Variants in PRX observed in about 807,000 individuals in gnomAD.
PRX encodes periaxin.
A neutral mutation model predicts 29.6 loss-of-function variants in PRX; 24 were observed. The ratio of observed to expected loss-of-function variants is 0.81; its 90% CI spans 0.59 to 1.14. PRX has a LOEUF of 1.14. PRX is among the 50% of genes most tolerant of loss of function. PRX has a pLI of 0.00. For missense variants in PRX, 1,838 were observed against 1,926.4 expected (o/e 0.95, Z 0.86); for synonymous variants, 772 against 831.7 (o/e 0.93, Z 1.24).
rs1288123407 is a variant in PRX at position 40,395,995 on chromosome 19, G to A, written c.2357C>T (p.Ala786Val). The part of the protein sequence containing the change: ...LPRAPEVQLK[A>V]TKAEQAEGME... ...CCCTTCTGCCTGTTCTGCCTTGGTGGCCTTTAGCTGCACCTCCGGAGCCCT... is the reference window on the plus strand; with the variant it reads ...CCCTTCTGCCTGTTCTGCCTTGGTGACCTTTAGCTGCACCTCCGGAGCCCT... The change falls in exon 7 of 7, where the codon GCC becomes GTC. Residue 786 changes from alanine to valine, a missense_variant. Ala to Val is a moderately conservative substitution (Grantham distance 64). Coordinates refer to ENST00000324001, the MANE Select transcript of PRX (RefSeq NM_181882.3). 6.2e-7 allele frequency: 1 copy of A among 1,613,986 alleles called. No homozygotes were observed. Among genetic ancestry groups the A allele is most frequent in the Admixed American group, 1.7e-5 (1 of 60,024 alleles).
chr19:40,397,427 G>A lies in PRX; in HGVS notation c.925C>T (p.Leu309Phe). 2 of 1,604,962 alleles carry A rather than the reference G, an allele frequency of 1.2e-6. No homozygotes were observed. The highest frequency in any genetic ancestry group is 1.3e-5 in the African/African-American group (1 of 74,698). Residue 309 changes from leucine (L) to phenylalanine (F), a missense_variant, in exon 7 of 7, where the codon CTT becomes TTT. Physicochemically the swap from Leu to Phe is conservative, Grantham distance 22. Transcript: ENST00000324001. Reference protein sequence around the residue: ...ALPSLPTLPTLPCLETREGAV... With the variant: ...ALPSLPTLPTFPCLETREGAV... ...CCTTCCCGGGTCTCTAGGCAGGGAAGTGTGGGCAGAGTGGGCAGTGAGGGC... is the reference window on the plus strand; with the variant it reads ...CCTTCCCGGGTCTCTAGGCAGGGAAATGTGGGCAGAGTGGGCAGTGAGGGC...
rs543484993 is a variant in PRX at position 40,395,975 on chromosome 19, C to G, written c.2377G>C (p.Glu793Gln). 31 of 1,614,090 alleles carry G rather than the reference C, an allele frequency of 1.9e-5. No individual in the cohort carries two copies. In the South Asian group the frequency reaches 3.4e-4, roughly 18 times the overall value. ...QLKATKAEQA[E>Q]GMEFGFKMPK... is the part of the protein sequence containing the mutation. Reference sequence around the variant, plus strand: ...ATCTTGAAGCCAAATTCCATCCCTTCTGCCTGTTCTGCCTTGGTGGCCTTT... The same window carrying G: ...ATCTTGAAGCCAAATTCCATCCCTTGTGCCTGTTCTGCCTTGGTGGCCTTT... The change falls in exon 7 of 7, where the codon GAA becomes CAA. Residue 793 changes from glutamate to glutamine, a missense_variant. Glu to Gln is a conservative substitution (Grantham distance 29). This residue lies in a region of PRX where 1,143 missense variants were observed against 1,193.0 expected (regional missense o/e 0.96). Coordinates refer to ENST00000324001, the MANE Select transcript of PRX (RefSeq NM_181882.3).
chr19:40,406,256 A>G (rs1418829754), intron 4 of PRX, among the ~76,000 whole-genome samples: 1 of 151,398 alleles, frequency 6.6e-6, no homozygotes, highest in African/African-American at 2.4e-5. Context: ...TCAAAAAAAA[A>G]AAAAAAAAGA....
At chr19:40,402,996 C>A (rs1158896299) in intron 5 of PRX, among the ~76,000 whole-genome samples, 3 of 151,874 alleles carry the variant, frequency 2.0e-5, no homozygotes, top group African/African-American at 7.3e-5. Flanking sequence ...ATAGTGAAAC[C>A]CCGTCTCTAC....
Position 40,403,767 on chromosome 19 carries a change from T to A in PRX, c.123A>T (p.Gly41=), listed in dbSNP as rs1331008389. The A allele has an allele frequency of 5.6e-6, 9 of 1,596,782 alleles. No homozygotes were observed. Among genetic ancestry groups the A allele is most frequent in the Non-Finnish European group, 7.7e-6 (9 of 1,173,012 alleles). ...GINVAGGGKE[G]IFVRELREDS... Reference sequence around the variant, plus strand: ...CCTCGCGCAGCTCCCGAACGAAGATTCCCTCTTTGCCGCCGCCCGCTACGT... The same window carrying A: ...CCTCGCGCAGCTCCCGAACGAAGATACCCTCTTTGCCGCCGCCCGCTACGT... Residue 41 remains glycine, a synonymous_variant, in exon 5 of 7, where the codon GGA becomes GGT. Coordinates refer to ENST00000324001, the MANE Select transcript of PRX (RefSeq NM_181882.3).
intron 4 of PRX, among the ~76,000 whole-genome samples, chr19:40,407,079 AC>A (rs933810063): frequency 6.6e-6 from 1 of 150,766 alleles, no homozygotes; most frequent in African/African-American, 2.4e-5. Context: ...CAGCCCCATT[AC>A]CTCCATTTCA....
In PRX at chr19:40,396,217, G is replaced by A. The variant is rs2079434132; in HGVS notation, c.2135C>T (p.Pro712Leu). ...PDVHLPEVQL[P>L]KVCEMKVPDM... is the part of the protein sequence containing the mutation. ...AGGGACTTTCATTTCACAGACTTTG[G>A]GCAGCTGCACCTCTGGGAGGTGCAC... The change falls in exon 7 of 7, where the codon CCC (proline) becomes CTC (leucine). Residue 712 changes from proline to leucine, a missense_variant. Physicochemically the swap from Pro to Leu is moderately conservative, Grantham distance 98. Around this residue, in one of 3 missense-constraint regions of PRX, gnomAD observed 1,143 missense variants for 1,193.0 expected, o/e 0.96. Coordinates refer to ENST00000324001, the MANE Select transcript of PRX (RefSeq NM_181882.3). 1 of 1,613,132 alleles carries A rather than the reference G, an allele frequency of 6.2e-7. No homozygotes were observed. Among genetic ancestry groups the A allele is most frequent in the Non-Finnish European group, 8.5e-7 (1 of 1,179,802 alleles).
At chr19:40,399,854 T>TTCCTTC (rs1568711487) in intron 5 of PRX, among the ~76,000 whole-genome samples, 1 of 93,928 alleles carries the variant, frequency 1.1e-5, no homozygotes, top group Non-Finnish European at 2.1e-5. Context: ...TTCTTTCCTT[T>TTCCTTC]CTTTCTTTCT....
intron 4 of PRX, chr19:40,407,584 C>T (rs1599665877): frequency 1.4e-5 from 7 of 491,924 alleles, no homozygotes; most frequent in South Asian, 1.1e-4. Context: ...TCCAGGCCTG[C>T]GCCACTGCAC....
intron 5 of PRX, among the ~76,000 whole-genome samples, chr19:40,399,489 C>T (rs768340241): frequency 1.3e-5 from 2 of 152,168 alleles, no homozygotes. Flanking sequence ...CTTTCCAACA[C>T]GCACATCTGA....
chr19:40,397,168 G>A lies in PRX; in HGVS notation c.1184C>T (p.Thr395Ile), dbSNP rs1273087776. The change falls in exon 7 of 7, where the codon ACC (threonine) becomes ATC (isoleucine). Residue 395 changes from threonine (T) to isoleucine (I), a missense_variant. Thr to Ile is a moderately conservative substitution (Grantham distance 89). This residue lies in a region of PRX where 666 missense variants were observed against 665.0 expected (regional missense o/e 1.00). Coordinates refer to ENST00000324001, the MANE Select transcript of PRX (RefSeq NM_181882.3). ...RVKGPRLRMP[T>I]FGLSLLEPRP... The stretch of plus-strand genomic sequence containing the variant: ...GGGCTCCAAGAGGGAAAGCCCAAAG[G>A]TGGGCATTCGAAGTCTGGGACCTTT... The A allele has an allele frequency of 1.2e-6, 2 of 1,613,976 alleles. No individual in the cohort carries two copies. Among genetic ancestry groups the A allele is most frequent in the Non-Finnish European group, 1.7e-6 (2 of 1,180,034 alleles).
intron 1 of PRX, among the ~76,000 whole-genome samples, chr19:40,411,563 G>A (rs933493665): frequency 1.3e-5 from 2 of 152,134 alleles, no homozygotes; most frequent in Non-Finnish European, 2.9e-5. Context: ...TTCAGGCGGG[G>A]CAGGGACAAG....
chr19:40,395,316 G>C lies in PRX; in HGVS notation c.3036C>G (p.Ala1012=). 1 of 1,613,506 alleles carries C rather than the reference G, an allele frequency of 6.2e-7. No individual in the cohort carries two copies. The highest frequency in any genetic ancestry group is 8.5e-7 in the Non-Finnish European group (1 of 1,180,012). Reference sequence around the variant, plus strand: ...ACCTGGGCCCCTTGAACTTGAGGTCGGCCCCTGCCACCTCTACCTTGCCTG... The same window carrying C: ...ACCTGGGCCCCTTGAACTTGAGGTCCGCCCCTGCCACCTCTACCTTGCCTG... ...LPSGKVEVAG[A]DLKFKGPRFA... is the part of the protein sequence containing the mutation. Residue 1012 remains alanine, a synonymous_variant, in exon 7 of 7, where the codon GCC becomes GCG. Transcript: ENST00000324001.
At chr19:40,404,509 TAGGAG>T (rs1381113968) in intron 4 of PRX, among the ~76,000 whole-genome samples, 1 of 151,822 alleles carries the variant, frequency 6.6e-6, no homozygotes, top group East Asian at 1.9e-4. Flanking sequence ...GTGCAAAAGA[TAGGAG>T]AGGAATGTGG....
rs540526276 is a variant in PRX at position 40,397,813 on chromosome 19, G to C, written c.539C>G (p.Pro180Arg). 6.3e-7 allele frequency: 1 copy of C among 1,586,368 alleles called. No homozygotes were observed. Among genetic ancestry groups the C allele is most frequent in the East Asian group, 2.3e-5 (1 of 43,976 alleles). Residue 180 changes from proline to arginine, a missense_variant, in exon 7 of 7, where the codon CCG becomes CGG. By Grantham distance (103) the Pro-to-Arg change is moderately radical (BLOSUM62 -2). This residue lies in a region of PRX where 666 missense variants were observed against 665.0 expected (regional missense o/e 1.00). Coordinates refer to ENST00000324001, the MANE Select transcript of PRX (RefSeq NM_181882.3). ...GAGGCGCCGGCGGGCAGGGGCAGCC[G>C]GGACAGGACCCTTGACAGCCTCGGC... ...LKAEAVKGPV[P>R]AAPARRRLQL...
In PRX at chr19:40,397,634, G is replaced by C. The variant is rs199863083; in HGVS notation, c.718C>G (p.Arg240Gly). The C allele has an allele frequency of 6.5e-7, 1 of 1,543,528 alleles. No individual in the cohort carries two copies. Among genetic ancestry groups the C allele is most frequent in the Admixed American group, 1.9e-5 (1 of 51,442 alleles). Reference protein sequence around the residue: ...TAPQVELVGPRLPGAEVGVPQ... With the variant: ...TAPQVELVGPGLPGAEVGVPQ... ...ACACCCACCTCCGCCCCTGGCAGCC[G>C]CGGCCCAACCAGCTCCACCTGAGGG... The change falls in exon 7 of 7, where the codon CGG becomes GGG. Residue 240 changes from arginine to glycine, a missense_variant. Arg to Gly is a moderately radical substitution (Grantham distance 125). Transcript: ENST00000324001.
At chr19:40,411,404 C>A (rs2079558131) in intron 1 of PRX, among the ~76,000 whole-genome samples, 1 of 152,118 alleles carries the variant, frequency 6.6e-6, no homozygotes, top group African/African-American at 2.4e-5. Context: ...GTTCCCTTAC[C>A]CAGGACTGAT....
At chr19:40,399,889 T>TTCTTTCTC (rs1169834812) in intron 5 of PRX, among the ~76,000 whole-genome samples, 2 of 66,064 alleles carry the variant, frequency 3.0e-5, no homozygotes, top group Non-Finnish European at 6.0e-5. Flanking sequence ...CTTTCTTTCT[T>TTCTTTCTC]TCTTTCTTTC....
Position 40,394,803 on chromosome 19 carries a change from G to A in PRX, c.3549C>T (p.Tyr1183=), listed in dbSNP as rs367876251. 249 of 1,613,430 alleles carry A rather than the reference G, an allele frequency of 1.5e-4. No individual in the cohort carries two copies. Among genetic ancestry groups the A allele is most frequent in the Non-Finnish European group, 2.0e-4 (232 of 1,180,026 alleles). The part of the protein sequence containing the change: ...TVPSAEGTAG[Y]RVQVPQVTLS... ...GGGTCACCTGGGGCACCTGAACCCT[G>A]TAGCCTGCTGTGCCCTCTGCTGAAG... is the stretch of plus-strand genomic sequence containing the variant. Residue 1183 remains tyrosine, a synonymous_variant, in exon 7 of 7, where the codon TAC becomes TAT. Coordinates refer to ENST00000324001, the MANE Select transcript of PRX (RefSeq NM_181882.3). The surrounding 1 kb of genome is among the most constrained non-coding windows in gnomAD (Gnocchi z 5.8).
Sources: allele counts gnomAD v4.1 joint callset (sites outside exome capture counted in the v4.1 genomes callset), GRCh38; gene constraint gnomAD v4.1.1; regional missense constraint gnomAD v4.1.1; non-coding constraint Gnocchi (gnomAD v3.1); transcripts MANE v1.5; gene names NCBI Gene and HGNC (gene_info 2026-07-23, HGNC 2026-07-21).